RGS7: variants seen among roughly 807,000 people sequenced by gnomAD.
The protein encoded by RGS7 is regulator of G-protein signaling 7.
In RGS7, 27 loss-of-function variants were observed where a neutral mutation model predicts 81.1. The ratio of observed to expected loss-of-function variants is 0.33; its 90% confidence interval spans 0.25 to 0.46. The LOEUF (loss-of-function observed/expected upper bound fraction) is 0.46. RGS7 is among the 20% of genes least tolerant of loss of function. The pLI is 1.00. For missense variants in RGS7, 396 were observed against 607.4 expected (o/e 0.65, Z 3.66); for synonymous variants, 208 against 207.7 (o/e 1.00, Z -0.01).
chr1:241,025,441 A>C (rs1258321156), intron 3 of RGS7, among the ~76,000 whole-genome samples: 1 of 152,180 alleles, frequency 6.6e-6, no homozygotes, highest in East Asian at 1.9e-4. Context: ...AAACAAAGAG[A>C]AGTTCAGTCA....
At chr1:241,039,974 G>A (rs922524811) in intron 3 of RGS7, among the ~76,000 whole-genome samples, 8 of 152,204 alleles carry the variant, frequency 5.3e-5, no homozygotes, top group Non-Finnish European at 8.8e-5. Flanking sequence ...ACCCACAACT[G>A]GTTTAATAGA....
intron 2 of RGS7, among the ~76,000 whole-genome samples, chr1:241,264,144 A>G (rs1364695100): frequency 6.6e-6 from 1 of 152,204 alleles, no homozygotes; most frequent in Non-Finnish European, 1.5e-5. Flanking sequence ...ATGTTTGAGT[A>G]TTTTTTAAAT....
chr1:241,214,736 G>T (rs1462612102), intron 2 of RGS7, among the ~76,000 whole-genome samples: 2 of 152,074 alleles, frequency 1.3e-5, no homozygotes, highest in East Asian at 3.9e-4. Context: ...AATTTCTATT[G>T]ATTCGTGACC....
At chr1:241,265,151 C>A (rs532311618) in intron 2 of RGS7, among the ~76,000 whole-genome samples, 46 of 152,318 alleles carry the variant, frequency 3.0e-4, no homozygotes, top group African/African-American at 1.1e-3. Context: ...CACCGTGTTC[C>A]CAAGTGCAGC....
Position 241,329,278 on chromosome 1 carries a change from A to G in RGS7, c.78+26421T>C, listed in dbSNP as rs925038513. Among the ~76,000 whole-genome samples, 3 of 152,348 alleles carry G rather than the reference A, an allele frequency of 2.0e-5. 1 individual carries two copies. The highest frequency in any genetic ancestry group is 6.8e-3 in the Middle Eastern group (2 of 294). On this transcript the variant is annotated intron_variant, in intron 2 of 18. Coordinates refer to ENST00000440928, the MANE Select transcript of RGS7 (RefSeq NM_001364886.1). ...ATTAAGAGAATTACAGAAATTTTGC[A>G]TATTTACTTTGACAGGATACAAAGA...
chr1:241,137,853 A>G (rs920631485), intron 2 of RGS7, among the ~76,000 whole-genome samples: 1 of 152,186 alleles, frequency 6.6e-6, no homozygotes, highest in Non-Finnish European at 1.5e-5. Flanking sequence ...ATGTGAAAAG[A>G]TCATATGAAT....
At chr1:241,256,252 A>T (rs915451057) in intron 2 of RGS7, among the ~76,000 whole-genome samples, 10 of 152,208 alleles carry the variant, frequency 6.6e-5, no homozygotes, top group African/African-American at 2.4e-4. Flanking sequence ...TACATTTTTT[A>T]AAAGGCTCTG....
At position 241,251,843 on chromosome 1, in the gene RGS7, A is replaced by G. The variant is rs190149134; in HGVS notation, c.78+103856T>C. Among the ~76,000 whole-genome samples, 498 of 151,862 alleles carry G rather than the reference A, an allele frequency of 3.3e-3. 4 individuals carry two copies. The highest frequency in any genetic ancestry group is 0.011 in the African/African-American group (466 of 41,448). Reference sequence around the variant, plus strand: ...TTCAAGAATGTGTACTCAAGGTCCAAACTTTTAGATCATTTGAAGGAAATC... The same window carrying G: ...TTCAAGAATGTGTACTCAAGGTCCAGACTTTTAGATCATTTGAAGGAAATC... On this transcript the variant is annotated intron_variant, in intron 2 of 18. Coordinates refer to ENST00000440928, the MANE Select transcript of RGS7 (RefSeq NM_001364886.1).
intron 6 of RGS7, among the ~76,000 whole-genome samples, chr1:240,921,179 T>A (rs1280187863): frequency 2.0e-5 from 3 of 152,096 alleles, no homozygotes; most frequent in Non-Finnish European, 4.4e-5. Context: ...CCAAGCAAAA[T>A]CATAAAATTA....
chr1:240,984,950 T>C (rs1685434297), intron 3 of RGS7, among the ~76,000 whole-genome samples: 1 of 152,202 alleles, frequency 6.6e-6, no homozygotes, highest in Admixed American at 6.5e-5. Context: ...TGAACTTGTG[T>C]TCCTTTTACA....
rs1290159727 is a variant in RGS7 at position 241,108,801 on chromosome 1, T to C, written c.79-10039A>G. Among the ~76,000 whole-genome samples the C allele has an allele frequency of 2.6e-5, 4 of 152,162 alleles. No homozygotes were observed. The South Asian group carries it at 6.2e-4, about 24-fold the overall frequency. ...TTCATCTTCGGCGTCAAGATGGGAA[T>C]GAGTAAGACTCCTGCACAGAATAAT... is the stretch of plus-strand genomic sequence containing the variant. On this transcript the variant is annotated intron_variant, in intron 2 of 18. Transcript: ENST00000440928.
intron 2 of RGS7, among the ~76,000 whole-genome samples, chr1:241,121,854 C>T (rs868688153): frequency 6.0e-5 from 9 of 150,884 alleles, no homozygotes; most frequent in African/African-American, 2.2e-4. Flanking sequence ...ACCTCAGGTG[C>T]GTGATACCAC....
chr1:241,080,331 C>A (rs114079931), intron 3 of RGS7, among the ~76,000 whole-genome samples: 21 of 150,374 alleles, frequency 1.4e-4, no homozygotes, highest in African/African-American at 4.4e-4. Context: ...CTATAAGGTA[C>A]CTTGAGAATG....
chr1:240,784,511 TG>T (rs538412813), intron 18 of RGS7, among the ~76,000 whole-genome samples: 59 of 149,616 alleles, frequency 3.9e-4, no homozygotes, highest in Non-Finnish European at 7.9e-4. Flanking sequence ...CCGGGCGTGG[TG>T]GCGGGCGCCT....
chr1:241,106,229 G>C (rs1467528876), intron 2 of RGS7, among the ~76,000 whole-genome samples: 2 of 152,108 alleles, frequency 1.3e-5, no homozygotes, highest in Non-Finnish European at 2.9e-5. Context: ...AATTAAAGCT[G>C]CTTCTAATTG....
At chr1:241,077,755 A>G (rs1448903670) in intron 3 of RGS7, among the ~76,000 whole-genome samples, 3 of 152,236 alleles carry the variant, frequency 2.0e-5, no homozygotes, top group Non-Finnish European at 2.9e-5. Context: ...TTCACTGGGT[A>G]AAGTGAAAAA....
chr1:241,087,993 T>TAC (rs1379188506), intron 3 of RGS7, among the ~76,000 whole-genome samples: 55 of 105,336 alleles, frequency 5.2e-4, no homozygotes, highest in Admixed American at 8.2e-4. Flanking sequence ...TATATATATA[T>TAC]ATACACACAC....
intron 3 of RGS7, among the ~76,000 whole-genome samples, chr1:241,070,575 G>A (rs1043511293): frequency 7.2e-5 from 11 of 152,174 alleles, no homozygotes; most frequent in Non-Finnish European, 1.2e-4. Context: ...AGAGCTTCTT[G>A]AGGCCTTGAT....
chr1:241,249,306 A>ATT lies in RGS7; in HGVS notation c.78+106391_78+106392dup, dbSNP rs201435037. The stretch of plus-strand genomic sequence containing the variant: ...TATGTGGTTTATGGTAAAGGTCAAG[A>ATT]TTTTTTTTTTTTTGGCATTTGACTA... On this transcript the variant is annotated intron_variant, in intron 2 of 18. Transcript: ENST00000440928. Among the ~76,000 whole-genome samples the ATT allele has an allele frequency of 1.8e-4, 26 of 144,732 alleles. No homozygotes were observed. In the East Asian group the frequency reaches 3.2e-3, roughly 18 times the overall value. 94.9% of individuals were successfully genotyped at this position (144,732 alleles called of 152,430 possible).
Sources: gnomAD v4.1 joint callset for allele counts (sites outside exome capture counted in the v4.1 genomes callset) on GRCh38, gnomAD v4.1.1 for gene constraint, MANE v1.5 for transcripts, NCBI Gene and HGNC (gene_info 2026-07-23, HGNC 2026-07-21) for gene names.